Variants in IGF2R observed in about 807,000 individuals in gnomAD.
IGF2R encodes the protein insulin like growth factor 2 receptor.
In IGF2R, 91 loss-of-function variants were observed where a neutral mutation model predicts 270.6. That is an observed-to-expected ratio of 0.34 (90% CI 0.28 to 0.40). The LOEUF is 0.40. IGF2R is among the 10% of genes least tolerant of loss of function. The probability of loss-of-function intolerance (pLI) is 1.00; values close to 1 mark genes in which losing one functional copy is unlikely to be tolerated. For missense variants in IGF2R, 2,805 were observed against 3,188.3 expected (o/e 0.88, Z 2.90); for synonymous variants, 1,316 against 1,258.9 (o/e 1.05, Z -0.96).
At chr6:160,036,705 G>A (rs534721505) in intron 10 of IGF2R, among the ~76,000 whole-genome samples, 1 of 152,046 alleles carries the variant, frequency 6.6e-6, no homozygotes, top group East Asian at 1.9e-4. Flanking sequence ...TGTGGACATC[G>A]ATGAGCTGCC....
In IGF2R at chr6:160,047,771, C is replaced by T. The variant is rs372025762; in HGVS notation, c.2230-21C>T. On this transcript the variant is annotated intron_variant, in intron 16 of 47. Transcript: ENST00000356956. Reference sequence around the variant, plus strand: ...TGTCTTTCTCTTTTTGCCATCCCTCCGCGCATCTGCCGTGGATTAGGAAGA... The same window carrying T: ...TGTCTTTCTCTTTTTGCCATCCCTCTGCGCATCTGCCGTGGATTAGGAAGA... 2.0e-4 allele frequency: 292 copies of T among 1,444,734 alleles called. 1 individual carries two copies. Among genetic ancestry groups the T allele is most frequent in the Non-Finnish European group, 2.0e-4 (209 of 1,025,172 alleles). The allele number at this position is 1,444,734 out of a possible 1,614,324, so 89.5% of individuals were successfully genotyped here.
In IGF2R at chr6:160,084,383, G is replaced by A. The variant is rs1779053585; in HGVS notation, c.6068+199G>A. Among the ~76,000 whole-genome samples the A allele has an allele frequency of 6.6e-6, 1 of 152,224 alleles. No individual in the cohort carries two copies. Among genetic ancestry groups the A allele is most frequent in the Non-Finnish European group, 1.5e-5 (1 of 68,032 alleles). On this transcript the variant is annotated intron_variant, in intron 40 of 47. Transcript: ENST00000356956. This position sits in a 1 kb window ranked among gnomAD's most constrained non-coding sequence, Gnocchi z 4.6. ...CACAGAGGGTGGTTCTGAGGTCAGA[G>A]TGGGGGCAGGAGCTTTGGTGACTGG...
chr6:160,059,862 C>G (rs563695576), intron 22 of IGF2R, among the ~76,000 whole-genome samples: 3 of 152,244 alleles, frequency 2.0e-5, no homozygotes, highest in African/African-American at 7.2e-5. Flanking sequence ...CAGGGGTTTT[C>G]GTCTGCTTCA....
At chr6:160,000,550 A>G (rs1415962161) in intron 2 of IGF2R, among the ~76,000 whole-genome samples, 1 of 152,094 alleles carries the variant, frequency 6.6e-6, no homozygotes, top group Non-Finnish European at 1.5e-5. Context: ...CCAGGTATAA[A>G]TGCAAATCAG....
intron 2 of IGF2R, among the ~76,000 whole-genome samples, chr6:159,992,208 C>G (rs1783989423): frequency 1.3e-5 from 2 of 152,134 alleles, no homozygotes; most frequent in African/African-American, 4.8e-5. Context: ...GTAGCTCTGT[C>G]ATTTTCTTTT....
chr6:160,073,036 C>T (rs8191888), intron 33 of IGF2R, 152 bp downstream of exon 33: 213,737 of 1,348,092 alleles, frequency 0.16, 18,785 homozygotes, highest in Non-Finnish European at 0.18. Context: ...GTGGGGGACA[C>T]ATGGTCATGT....
rs1778027643 is a variant in IGF2R, at chr6:160,044,604, A to T, written c.1712A>T (p.Asp571Val). Residue 571 changes from aspartate to valine, a missense_variant, in exon 13 of 48, where the codon GAT (aspartate) becomes GTT (valine). Physicochemically the swap from Asp to Val is radical, Grantham distance 152 (BLOSUM62 -3). This residue lies in a region of IGF2R where 954 missense variants were observed against 981.1 expected (regional missense o/e 0.97). Transcript: ENST00000356956. ...NIQLSYSDGD[D>V]CGHGKKIKTN... ...CAACTCTCTTATTCAGATGGTGATGATTGTGGTCATGGCAAGAAAATTAAA... is the reference window on the plus strand; with the variant it reads ...CAACTCTCTTATTCAGATGGTGATGTTTGTGGTCATGGCAAGAAAATTAAA... The T allele has an allele frequency of 1.9e-6, 3 of 1,611,018 alleles. No homozygotes were observed. The highest frequency in any genetic ancestry group is 2.5e-6 in the Non-Finnish European group (3 of 1,178,244).
chr6:160,002,538 G>T (rs537234641), intron 2 of IGF2R, among the ~76,000 whole-genome samples: 99 of 152,338 alleles, frequency 6.5e-4, no homozygotes, highest in African/African-American at 2.0e-3. Flanking sequence ...TGGTCTTGTT[G>T]TTCTGGGGTT....
chr6:160,093,770 T>C (rs1779284230), intron 44 of IGF2R: 2 of 748,538 alleles, frequency 2.7e-6, no homozygotes, highest in Non-Finnish European at 5.0e-6. Context: ...TTTTCGACTA[T>C]ATGATTTGGA....
chr6:160,105,012 G>A lies in IGF2R; in HGVS notation c.7404G>A (p.Gln2468=), dbSNP rs148397081. 5.0e-6 allele frequency: 8 copies of A among 1,613,416 alleles called. No homozygotes were observed. The highest frequency in any genetic ancestry group is 8.5e-7 in the Non-Finnish European group (1 of 1,179,790). Reference sequence around the variant, plus strand: ...GGAAAGGGAAGTCCAGCTCTGCACAGCAGAAGACAGTGAGCTCCACCAAGC... The same window carrying A: ...GGAAAGGGAAGTCCAGCTCTGCACAACAGAAGACAGTGAGCTCCACCAAGC... ...KARKGKSSSA[Q]QKTVSSTKLV... Residue 2468 remains glutamine, a synonymous_variant, in exon 48 of 48, where the codon CAG becomes CAA. Transcript: ENST00000356956.
rs897413438 is a variant in IGF2R at position 160,102,226 on chromosome 6, G to A, written c.6843-293G>A. The stretch of plus-strand genomic sequence containing the variant: ...GATTGGGCCACCTAGAGGGGGCCGC[G>A]TCCCTCCTGCCTGTCTCCTCTGTGT... On this transcript the variant is annotated intron_variant, in intron 45 of 47. Coordinates refer to ENST00000356956, the MANE Select transcript of IGF2R (RefSeq NM_000876.4). This position sits in a 1 kb window ranked among gnomAD's most constrained non-coding sequence, Gnocchi z 4.5. Among the ~76,000 whole-genome samples, 32 of 152,222 alleles carry A rather than the reference G, an allele frequency of 2.1e-4. No homozygotes were observed. The highest frequency in any genetic ancestry group is 1.6e-3 in the Admixed American group (24 of 15,282).
intron 39 of IGF2R, among the ~76,000 whole-genome samples, chr6:160,081,158 A>G (rs993861213): frequency 1.3e-5 from 2 of 151,704 alleles, no homozygotes; most frequent in Non-Finnish European, 2.9e-5. Context: ...ACTAATTTTC[A>G]TAAATGTCCA....
chr6:160,007,164 C>G (rs1784255368), intron 2 of IGF2R: 1 of 152,152 alleles, frequency 6.6e-6, no homozygotes, highest in Non-Finnish European at 1.5e-5. Context: ...GGTTTTTGCT[C>G]TTCTGAAGAG....
intron 19 of IGF2R, among the ~76,000 whole-genome samples, chr6:160,055,519 A>G (rs978135788): frequency 7.2e-5 from 11 of 152,178 alleles, no homozygotes; most frequent in Admixed American, 7.2e-4. Flanking sequence ...TTTCACAAGC[A>G]CATTGTGAAG....
Position 160,089,930 on chromosome 6 carries a change from C to G in IGF2R, c.6482C>G (p.Ser2161Cys). Residue 2161 changes from serine (S) to cysteine (C), a missense_variant, in exon 44 of 48, where the codon TCT becomes TGT. Around this residue, in one of 2 missense-constraint regions of IGF2R, gnomAD observed 1,851 missense variants for 2,207.2 expected, o/e 0.84. Transcript: ENST00000356956. ...GDIYFKLFRA[S>C]GDMRTNGDNY... ...TGTCTCTTCAGGCTGTTCAGAGCCT[C>G]TGGGGACATGAGGACCAATGGGGAC... The G allele has an allele frequency of 6.3e-7, 1 of 1,585,518 alleles. No homozygotes were observed. The highest frequency in any genetic ancestry group is 2.3e-5 in the East Asian group (1 of 42,928).
chr6:160,032,256 T>C (rs1286807733), intron 7 of IGF2R, among the ~76,000 whole-genome samples: 5 of 152,068 alleles, frequency 3.3e-5, no homozygotes, highest in Non-Finnish European at 2.9e-5. Flanking sequence ...GAAGCTTGAG[T>C]GTCTCTCTGA....
chr6:160,104,806 AGCTCCCT>A lies in IGF2R; in HGVS notation c.7201_7207del (p.Ser2401MetfsTer12). 6.2e-7 allele frequency: 1 copy of A among 1,614,212 alleles called. No homozygotes were observed. The highest frequency in any genetic ancestry group is 8.5e-7 in the Non-Finnish European group (1 of 1,180,042). On this transcript the variant is annotated frameshift_variant, in exon 48 of 48. Transcript: ENST00000356956. LOFTEE classifies it low-confidence loss of function (END_TRUNC). ...TACCACCAAGTCAGTGAAAGCCCTCAGCTCCCTGCATGGGGATGACCAGGACAGTGAG... is the reference window on the plus strand; with the variant it reads ...TACCACCAAGTCAGTGAAAGCCCTCAGCATGGGGATGACCAGGACAGTGAG...
intron 44 of IGF2R, chr6:160,094,388 G>T: frequency 4.7e-6 from 1 of 212,134 alleles, no homozygotes; most frequent in Non-Finnish European, 9.5e-6. Context: ...TGGCGAGTCT[G>T]CCAGCATGCT....
At position 160,102,495 on chromosome 6, in the gene IGF2R, T is replaced by C; in HGVS notation, c.6843-24T>C. 6.2e-7 allele frequency: 1 copy of C among 1,605,030 alleles called. No homozygotes were observed. Among genetic ancestry groups the C allele is most frequent in the Non-Finnish European group, 8.5e-7 (1 of 1,174,696 alleles). On this transcript the variant is annotated intron_variant, in intron 45 of 47. Transcript: ENST00000356956. This position sits in a 1 kb window ranked among gnomAD's most constrained non-coding sequence, Gnocchi z 4.5. Reference sequence around the variant, plus strand: ...CAGCAGGACCACCCTGTGACACGGCTCCTTTTCTGTGACGTCCTTGCAGGG... The same window carrying C: ...CAGCAGGACCACCCTGTGACACGGCCCCTTTTCTGTGACGTCCTTGCAGGG...
Sources: gnomAD v4.1 joint callset for allele counts (sites outside exome capture counted in the v4.1 genomes callset) on GRCh38, gnomAD v4.1.1 for gene constraint, gnomAD v4.1.1 regional missense constraint, Gnocchi (gnomAD v3.1) non-coding constraint, MANE v1.5 for transcripts, NCBI Gene and HGNC (gene_info 2026-07-23, HGNC 2026-07-21) for gene names.